Variants in LIPA observed in about 807,000 individuals in gnomAD.
LIPA encodes the protein lipase A, lysosomal acid type, also known as lysosomal acid lipase/cholesteryl ester hydrolase.
A neutral mutation model predicts 40.6 loss-of-function variants in LIPA; 26 were observed. The ratio of observed to expected loss-of-function variants is 0.64; its 90% CI spans 0.47 to 0.89. The LOEUF (loss-of-function observed/expected upper bound fraction) is 0.89, where lower values mean the gene tolerates loss of function less well. Ranked by LOEUF, LIPA falls within the 40% of genes least tolerant of loss-of-function variation. LIPA has a pLI of 0.00. For synonymous variants in LIPA, 188 were observed against 168.4 expected (o/e 1.12, Z -0.90); for missense variants, 455 against 479.6 (o/e 0.95, Z 0.48).
chr10:89,243,343 T>C (rs896803671), intron 3 of LIPA, among the ~76,000 whole-genome samples: 10 of 152,190 alleles, frequency 6.6e-5, no homozygotes, highest in Non-Finnish European at 1.5e-4. Flanking sequence ...CACTGTAGAC[T>C]TCCTTGAAGA....
chr10:89,378,087 C>T lies in LIPA; in HGVS notation c.61+34704G>A, dbSNP rs200418347. ...CTGTGGATGAACCTTGAAGGAGCCT[C>T]CAAGCCTGAACCAAAGCACTACAGA... On this transcript the variant is annotated intron_variant, in intron 2 of 8. Coordinates refer to the LIPA transcript ENST00000371837. The T allele has an allele frequency of 1.4e-3, 2,266 of 1,609,424 alleles. 50 individuals are homozygous for T. In the South Asian group the frequency reaches 0.022, roughly 16 times the overall value.
chr10:89,372,995 T>C (rs1844100198), intron 2 of LIPA, among the ~76,000 whole-genome samples: 1 of 152,178 alleles, frequency 6.6e-6, no homozygotes, highest in East Asian at 1.9e-4. Context: ...GGTGAATGAA[T>C]ATTTGACATG....
chr10:89,301,851 T>G (rs558014502), intron 1 of LIPA: 104 of 352,864 alleles, frequency 2.9e-4, no homozygotes, highest in African/African-American at 1.9e-3. Context: ...CTCTGCTGCC[T>G]TCTTTCTCTG....
intron 2 of LIPA, among the ~76,000 whole-genome samples, chr10:89,350,258 C>T (rs545483257): frequency 7.2e-6 from 1 of 139,620 alleles, no homozygotes; most frequent in South Asian, 2.6e-4. Flanking sequence ...TTTAGGTGCA[C>T]CGGCCCAGTC....
At chr10:89,286,505 G>C (rs1843342082) in intron 1 of LIPA, among the ~76,000 whole-genome samples, 1 of 152,114 alleles carries the variant, frequency 6.6e-6, no homozygotes, top group East Asian at 1.9e-4. Flanking sequence ...AAGGTGGCTG[G>C]AGCTAAAGGC....
chr10:89,309,068 CTT>C (rs1194755977), intron 1 of LIPA: 1 of 152,188 alleles, frequency 6.6e-6, no homozygotes. Flanking sequence ...CAGAACAAAA[CTT>C]TTTCCTCAGC....
intron 3 of LIPA, among the ~76,000 whole-genome samples, chr10:89,235,435 T>C (rs932820996): frequency 4.6e-5 from 7 of 152,396 alleles, no homozygotes; most frequent in African/African-American, 1.4e-4. Context: ...GATTTCATTA[T>C]GGCCCTAAAT....
chr10:89,265,537 G>T (rs934499889), intron 1 of LIPA, among the ~76,000 whole-genome samples: 22 of 152,226 alleles, frequency 1.4e-4, no homozygotes, highest in Admixed American at 2.6e-4. Flanking sequence ...ATACAGAAAA[G>T]ATGCTTTTGT....
At chr10:89,284,376 T>C (rs1843330282) in intron 1 of LIPA, 1 of 152,214 alleles carries the variant, frequency 6.6e-6, no homozygotes, top group Non-Finnish European at 1.5e-5. Context: ...ACAGGCTGCA[T>C]TTAGCTGGTT....
At chr10:89,354,074 G>A (rs903878883) in intron 2 of LIPA, among the ~76,000 whole-genome samples, 4 of 152,130 alleles carry the variant, frequency 2.6e-5, no homozygotes, top group African/African-American at 9.6e-5. Context: ...CCCCTCAGTC[G>A]ATTTCTTTCT....
At chr10:89,402,188 A>G (rs1844435685) in intron 2 of LIPA, 2 of 771,098 alleles carry the variant, frequency 2.6e-6, no homozygotes, top group East Asian at 2.5e-5. Flanking sequence ...TGATCCTTTC[A>G]AGGATAAGCA....
Position 89,213,998 on chromosome 10 carries a change from G to A in LIPA, c.*830C>T, listed in dbSNP as rs1842585933. On this transcript the variant is annotated 3_prime_UTR_variant, in exon 10 of 10. Coordinates refer to ENST00000336233, the MANE Select transcript of LIPA (RefSeq NM_000235.4). ...ATAACGACAGTAGCGGGCTCCAAGA[G>A]TACATTAATCTCAGAAAAAATAGTG... 6.6e-6 allele frequency: 1 copy of A among 152,166 alleles called. No individual in the cohort carries two copies. Among genetic ancestry groups the A allele is most frequent in the Non-Finnish European group, 1.5e-5 (1 of 68,040 alleles). The allele number at this position is 152,166 out of a possible 1,614,324, so 9.4% of individuals were successfully genotyped here. A position where few individuals can be genotyped will look rare whatever the true frequency, so the allele number is the denominator to read the frequency against.
At chr10:89,257,638 A>G (rs1843187777) in intron 1 of LIPA, among the ~76,000 whole-genome samples, 1 of 152,238 alleles carries the variant, frequency 6.6e-6, no homozygotes, top group Non-Finnish European at 1.5e-5. Flanking sequence ...GCAATGCCTC[A>G]GATAATTGCC....
chr10:89,281,306 C>A (rs1843313401), intron 1 of LIPA, among the ~76,000 whole-genome samples: 1 of 152,166 alleles, frequency 6.6e-6, no homozygotes, highest in African/African-American at 2.4e-5. Flanking sequence ...TTTCCCAGGC[C>A]TTGATATCTA....
chr10:89,340,211 CTGGGATTG>C (rs1239282497), intron 1 of LIPA: 5 of 1,385,930 alleles, frequency 3.6e-6, no homozygotes, highest in Non-Finnish European at 4.9e-6. Flanking sequence ...GGGCCCCAAC[CTGGGATTG>C]CTGAGCAGGG....
chr10:89,246,729 G>A (rs574420028), intron 2 of LIPA, among the ~76,000 whole-genome samples: 5 of 152,136 alleles, frequency 3.3e-5, no homozygotes, highest in South Asian at 2.1e-4. Flanking sequence ...GTTTACTTAC[G>A]ATTAATAACT....
chr10:89,331,675 A>T (rs949186028), intron 1 of LIPA, among the ~76,000 whole-genome samples: 2 of 152,050 alleles, frequency 1.3e-5, no homozygotes, highest in Middle Eastern at 3.4e-3. Flanking sequence ...CCTGGGCAAC[A>T]TAGTGAGACC....
At chr10:89,368,593 C>T (rs954705571) in intron 2 of LIPA, among the ~76,000 whole-genome samples, 2 of 152,176 alleles carry the variant, frequency 1.3e-5, no homozygotes, top group Admixed American at 6.5e-5. Context: ...AAAATATATA[C>T]ATATTTAATA....
chr10:89,386,926 T>C (rs1844213617), intron 2 of LIPA, among the ~76,000 whole-genome samples: 1 of 149,802 alleles, frequency 6.7e-6, no homozygotes, highest in South Asian at 2.1e-4. Flanking sequence ...TAATAGAGTT[T>C]ATGAGTCTGT....
Sources: allele counts gnomAD v4.1 joint callset (sites outside exome capture counted in the v4.1 genomes callset), GRCh38; gene constraint gnomAD v4.1.1; transcripts MANE v1.5; gene names NCBI Gene and HGNC (gene_info 2026-07-23, HGNC 2026-07-21).